The following LRMDA variants were observed in gnomAD, a reference collection of about 807,000 sequenced individuals.
The protein encoded by LRMDA is leucine rich melanocyte differentiation associated, also known as leucine-rich melanocyte differentiation-associated protein.
LRMDA carries 18 observed loss-of-function variants against 29.8 expected under a neutral mutation model. The observed-to-expected ratio is 0.60, with a 90% CI of 0.42 to 0.90. The LOEUF is 0.90. Among genes scored for constraint, LRMDA ranks in the 40% least tolerant of loss-of-function variants. The pLI is 0.00. For synonymous variants in LRMDA, 125 were observed against 109.4 expected (o/e 1.14, Z -0.89); for missense variants, 273 against 273.9 (o/e 1.00, Z 0.02).
At chr10:76,426,707 G>A (rs576591922) in intron 6 of LRMDA, among the ~76,000 whole-genome samples, 1 of 152,240 alleles carries the variant, frequency 6.6e-6, no homozygotes, top group Admixed American at 6.5e-5. Context: ...TATTACCTGG[G>A]TTTTCTTCTA....
chr10:75,901,761 A>G (rs1845677387), intron 2 of LRMDA, among the ~76,000 whole-genome samples: 1 of 152,214 alleles, frequency 6.6e-6, no homozygotes, highest in South Asian at 2.1e-4. Context: ...CTAATAGAAC[A>G]AGAGAAGCTG....
At chr10:76,368,180 G>T (rs1407210891) in intron 6 of LRMDA, among the ~76,000 whole-genome samples, 1 of 152,046 alleles carries the variant, frequency 6.6e-6, no homozygotes, top group Non-Finnish European at 1.5e-5. Flanking sequence ...GTTTTTTGAG[G>T]TGTTACTGTA....
At chr10:76,052,999 G>A (rs1050803375) in intron 4 of LRMDA, among the ~76,000 whole-genome samples, 1 of 152,192 alleles carries the variant, frequency 6.6e-6, no homozygotes, top group Non-Finnish European at 1.5e-5. Context: ...ATCTGAAGCT[G>A]TCTCCGGGTG....
intron 2 of LRMDA, among the ~76,000 whole-genome samples, chr10:75,835,857 A>C (rs1281713905): frequency 1.3e-5 from 2 of 152,192 alleles, no homozygotes; most frequent in Non-Finnish European, 2.9e-5. Context: ...TGAACAGTTT[A>C]GAGTGAATTA....
At chr10:76,183,374 C>T (rs1851088947) in intron 5 of LRMDA, among the ~76,000 whole-genome samples, 1 of 152,156 alleles carries the variant, frequency 6.6e-6, no homozygotes, top group Non-Finnish European at 1.5e-5. Flanking sequence ...TGCAGTTTAT[C>T]CGAAGTGGAA....
chr10:76,285,376 G>A (rs1431558482), intron 5 of LRMDA, among the ~76,000 whole-genome samples: 6 of 151,932 alleles, frequency 3.9e-5, no homozygotes, highest in Non-Finnish European at 8.8e-5. Context: ...TAGGAAAGCC[G>A]AGGCTGGCTG....
At chr10:76,101,337 C>A (rs1358371577) in intron 5 of LRMDA, among the ~76,000 whole-genome samples, 1 of 152,182 alleles carries the variant, frequency 6.6e-6, no homozygotes, top group East Asian at 1.9e-4. Context: ...GTAAGGCTGG[C>A]TTTTTGTTGT....
chr10:75,937,372 G>A lies in LRMDA; in HGVS notation c.132-98636G>A, dbSNP rs1165733298. ...AAGAATGAGCCATTTTGGAGCTGCT[G>A]TTGTATCACAATTCCTCTTGTCAGC... On this transcript the variant is annotated intron_variant, in intron 2 of 6. Transcript: ENST00000611255. Among the ~76,000 whole-genome samples, 3 of 152,218 alleles carry A rather than the reference G, an allele frequency of 2.0e-5. No homozygotes were observed. In the East Asian group the frequency reaches 5.8e-4, roughly 29 times the overall value.
chr10:75,608,129 T>TATATATATATATATATATATAAAC, intron 2 of LRMDA, among the ~76,000 whole-genome samples: 1 of 89,600 alleles, frequency 1.1e-5, no homozygotes, highest in South Asian at 4.1e-4. Context: ...TATATATATA[T>TATATATATATATATATATATAAAC]ACACACACAT....
intron 5 of LRMDA, among the ~76,000 whole-genome samples, chr10:76,132,189 C>T (rs377568372): frequency 3.3e-5 from 5 of 152,090 alleles, no homozygotes; most frequent in African/African-American, 9.7e-5. Flanking sequence ...TGGAACATCA[C>T]GTGCTCTTTA....
At chr10:75,745,656 A>G (rs546378349) in intron 2 of LRMDA, among the ~76,000 whole-genome samples, 1 of 152,308 alleles carries the variant, frequency 6.6e-6, no homozygotes. Flanking sequence ...CATTGGAACA[A>G]TATTATTGAT....
At chr10:76,465,591 C>T (rs375422905) in intron 6 of LRMDA, among the ~76,000 whole-genome samples, 35 of 152,232 alleles carry the variant, frequency 2.3e-4, no homozygotes, top group Middle Eastern at 3.4e-3. Flanking sequence ...CTGTTTTGTA[C>T]GACCACTCCT....
At chr10:75,597,616 CTG>C (rs1320517270) in intron 2 of LRMDA, among the ~76,000 whole-genome samples, 18 of 152,130 alleles carry the variant, frequency 1.2e-4, no homozygotes, top group African/African-American at 4.3e-4. Context: ...TAAAATGAAA[CTG>C]TGGGGATGTT....
In LRMDA at chr10:76,522,939, T is replaced by C. The variant is rs139250611; in HGVS notation, c.602-34270T>C. ...AAGGCCTCTTCTGTGGGCTCTTTCATGGACACTGTTACCAAAAGTTACCAA... is the reference window on the plus strand; with the variant it reads ...AAGGCCTCTTCTGTGGGCTCTTTCACGGACACTGTTACCAAAAGTTACCAA... On this transcript the variant is annotated intron_variant, in intron 6 of 6. Transcript: ENST00000611255. 9.9e-5 allele frequency among the ~76,000 whole-genome samples: 15 copies of C among 152,226 alleles called. No homozygotes were observed. In the East Asian group the frequency reaches 2.9e-3, roughly 29 times the overall value.
rs539785488 is a variant in LRMDA at position 76,461,318 on chromosome 10, T to C, written c.602-95891T>C. Among the ~76,000 whole-genome samples the C allele has an allele frequency of 3.9e-5, 6 of 152,304 alleles. No individual in the cohort carries two copies. The East Asian group carries it at 1.2e-3, about 29-fold the overall frequency. The stretch of plus-strand genomic sequence containing the variant: ...ATCTCCAGTGAGCCTGTCATGATGA[T>C]GGAGACAAGCCTCTGTTGAACTTCA... On this transcript the variant is annotated intron_variant, in intron 6 of 6. Coordinates refer to ENST00000611255, the MANE Select transcript of LRMDA (RefSeq NM_001305581.2).
chr10:75,866,028 T>C (rs1400090493), intron 2 of LRMDA, among the ~76,000 whole-genome samples: 1 of 152,210 alleles, frequency 6.6e-6, no homozygotes, highest in African/African-American at 2.4e-5. Context: ...CTCTGCAAAT[T>C]TGTTCTTTAG....
At chr10:76,289,907 G>C (rs948677549) in intron 5 of LRMDA, among the ~76,000 whole-genome samples, 5 of 152,192 alleles carry the variant, frequency 3.3e-5, no homozygotes, top group Admixed American at 6.5e-5. Flanking sequence ...GAGGAAAACA[G>C]AGGAAGTTTC....
chr10:76,453,914 T>A (rs1300886782), intron 6 of LRMDA, among the ~76,000 whole-genome samples: 2 of 152,232 alleles, frequency 1.3e-5, no homozygotes, highest in Non-Finnish European at 2.9e-5. Flanking sequence ...CATGTTTGTA[T>A]GAGACATTAC....
intron 2 of LRMDA, among the ~76,000 whole-genome samples, chr10:76,027,286 T>C (rs1205704359): frequency 1.3e-5 from 2 of 152,196 alleles, no homozygotes; most frequent in Admixed American, 6.5e-5. Context: ...TGGCGATTCA[T>C]ACTAAGTCCT....
Sources: gnomAD v4.1 joint callset for allele counts (sites outside exome capture counted in the v4.1 genomes callset) on GRCh38, gnomAD v4.1.1 for gene constraint, MANE v1.5 for transcripts, NCBI Gene and HGNC (gene_info 2026-07-23, HGNC 2026-07-21) for gene names.